The following TBL1X variants were observed in gnomAD, a reference collection of about 807,000 sequenced individuals.
TBL1X encodes the protein F-box-like/WD repeat-containing protein TBL1X.
In TBL1X, 10 loss-of-function variants were observed where a neutral mutation model predicts 50.7. That is an observed-to-expected ratio of 0.20 (90% confidence interval 0.12 to 0.33). TBL1X has a LOEUF of 0.33. Ranked by LOEUF, TBL1X falls within the 10% of genes least tolerant of loss-of-function variation. The pLI, the probability that TBL1X is intolerant of heterozygous loss-of-function variation, is 1.00. For synonymous variants in TBL1X, 190 were observed against 214.7 expected (o/e 0.88, Z 1.01); for missense variants, 340 against 504.4 (o/e 0.67, Z 3.12).
rs765757640 is a variant in TBL1X, at chrX:9,690,899, CTTG to C, written c.617-659_617-657del. Among the ~76,000 whole-genome samples the C allele has an allele frequency of 2.3e-3, 250 of 110,291 alleles. 2 individuals carry two copies. The highest frequency in any genetic ancestry group is 7.6e-3 in the African/African-American group (230 of 30,246). On this transcript the variant is annotated intron_variant, in intron 7 of 17. Coordinates refer to ENST00000645353, the MANE Select transcript of TBL1X (RefSeq NM_005647.4). ...GTGCACCACCAGGGCTGGCTAACTTCTTGTTGTTGTTGTTGTTGTTGTTTTTAT... is the reference window on the plus strand; with the variant it reads ...GTGCACCACCAGGGCTGGCTAACTTCTTGTTGTTGTTGTTGTTGTTTTTAT...
At chrX:9,546,370 T>A (rs2082242152) in intron 2 of TBL1X, among the ~76,000 whole-genome samples, 1 of 111,414 alleles carries the variant, frequency 9.0e-6, no homozygotes, top group Admixed American at 9.5e-5. Flanking sequence ...AAAAATTAGC[T>A]GGGCGTGGTG....
rs201211593 is a variant in TBL1X at position 9,691,728 on chromosome X, G to A, written c.749+17G>A. ...AGCCTCCGGGTAAGGATGTCAGGGT[G>A]GGGGGCGCTCCAGAGTTGGGGAGAT... is the stretch of plus-strand genomic sequence containing the variant. On this transcript the variant is annotated intron_variant, in intron 8 of 17. Coordinates refer to ENST00000645353, the MANE Select transcript of TBL1X (RefSeq NM_005647.4). The A allele has an allele frequency of 1.4e-4, 162 of 1,138,573 alleles. 3 individuals carry two copies. The highest frequency in any genetic ancestry group is 2.8e-4 in the Admixed American group (11 of 38,817). The allele number at this position is 1,138,573 out of a possible 1,213,427, so 93.8% of individuals were successfully genotyped here. A position where few individuals can be genotyped will look rare whatever the true frequency, so the allele number is the denominator to read the frequency against.
chrX:9,486,912 G>T (rs1394616187), intron 1 of TBL1X, among the ~76,000 whole-genome samples: 1 of 111,517 alleles, frequency 9.0e-6, no homozygotes, highest in African/African-American at 3.3e-5. Context: ...TACTCTTCCA[G>T]TTTGTCCCTG....
chrX:9,518,154 T>C (rs2082089950), intron 2 of TBL1X, among the ~76,000 whole-genome samples: 1 of 108,148 alleles, frequency 9.2e-6, no homozygotes, highest in Non-Finnish European at 1.9e-5. Context: ...TACATGGAAA[T>C]GATGTGACAT....
intron 3 of TBL1X, 144 bp from the exon 4 acceptor site, chrX:9,653,401 C>T (rs1200423836): frequency 3.5e-5 from 15 of 429,110 alleles, no homozygotes; most frequent in Non-Finnish European, 6.0e-5. Flanking sequence ...AGCCCCTGAA[C>T]GTTTTCCTGC....
At chrX:9,657,236 G>T (rs2082869884) in intron 5 of TBL1X, among the ~76,000 whole-genome samples, 1 of 112,240 alleles carries the variant, frequency 8.9e-6, no homozygotes, top group African/African-American at 3.2e-5. Flanking sequence ...AGTGCGGCAG[G>T]ACAGCTGCTT....
At chrX:9,613,604 C>T (rs1318886121) in intron 2 of TBL1X, among the ~76,000 whole-genome samples, 4 of 111,386 alleles carry the variant, frequency 3.6e-5, no homozygotes, top group Non-Finnish European at 7.5e-5. Context: ...GAAAAAGGAA[C>T]GTAAAAGATC....
chrX:9,509,393 A>G (rs2082043445), intron 2 of TBL1X, among the ~76,000 whole-genome samples: 1 of 103,447 alleles, frequency 9.7e-6, no homozygotes, highest in South Asian at 4.4e-4. Flanking sequence ...AAAGATTTCT[A>G]GTACATTGCC....
chrX:9,604,932 A>G (rs185418832), intron 2 of TBL1X, among the ~76,000 whole-genome samples: 1 of 110,715 alleles, frequency 9.0e-6, no homozygotes, highest in African/African-American at 3.3e-5. Context: ...CCTCTGGGAG[A>G]GGCTTGGGCG....
chrX:9,508,283 A>G (rs2082036250), intron 2 of TBL1X, among the ~76,000 whole-genome samples: 1 of 112,677 alleles, frequency 8.9e-6, no homozygotes. Context: ...GGCAAAGGAT[A>G]TGAACAGACA....
chrX:9,606,504 CTCTG>C (rs1314605321), intron 2 of TBL1X, among the ~76,000 whole-genome samples: 2 of 110,669 alleles, frequency 1.8e-5, no homozygotes, highest in East Asian at 2.9e-4. Flanking sequence ...CACAGTGAGA[CTCTG>C]TCTGTACAAA....
At chrX:9,648,080 T>C (rs777438093) in intron 3 of TBL1X, among the ~76,000 whole-genome samples, 1 of 111,035 alleles carries the variant, frequency 9.0e-6, no homozygotes, top group South Asian at 3.9e-4. Flanking sequence ...GTGGTGCAGC[T>C]GCCCCTAGAA....
At chrX:9,515,902 A>G (rs1244522770) in intron 2 of TBL1X, among the ~76,000 whole-genome samples, 1 of 111,126 alleles carries the variant, frequency 9.0e-6, no homozygotes, top group Non-Finnish European at 1.9e-5. Context: ...GGTTAATGGA[A>G]ATTCTTGAAA....
chrX:9,616,558 G>C (rs1037811460), intron 2 of TBL1X, among the ~76,000 whole-genome samples: 35 of 111,846 alleles, frequency 3.1e-4, no homozygotes, highest in African/African-American at 1.1e-3. Context: ...ACTCACGCAG[G>C]TTGAATGGAG....
intron 16 of TBL1X, among the ~76,000 whole-genome samples, chrX:9,713,729 A>C (rs2083262845): frequency 9.0e-6 from 1 of 110,767 alleles, no homozygotes; most frequent in Non-Finnish European, 1.9e-5. Context: ...CGCCCGGCCA[A>C]GAAATCCTTA....
intron 2 of TBL1X, among the ~76,000 whole-genome samples, chrX:9,576,243 C>T (rs902929821): frequency 2.7e-5 from 3 of 112,071 alleles, no homozygotes; most frequent in South Asian, 3.7e-4. Context: ...CACTTGAGTA[C>T]GCGCTGCACA....
intron 2 of TBL1X, among the ~76,000 whole-genome samples, chrX:9,537,672 GTGTATGGATGGAC>G (rs1484055084): frequency 1.8e-5 from 2 of 112,723 alleles, no homozygotes; most frequent in Non-Finnish European, 3.7e-5. Context: ...TAATATTCCA[GTGTATGGATGGAC>G]TACACTCTGT....
chrX:9,573,903 A>C (rs1302558138), intron 2 of TBL1X, among the ~76,000 whole-genome samples: 2 of 112,675 alleles, frequency 1.8e-5, no homozygotes, highest in Non-Finnish European at 3.8e-5. Context: ...GGATAGCCCC[A>C]GCTCCTGGGT....
intron 5 of TBL1X, among the ~76,000 whole-genome samples, chrX:9,682,475 C>T (rs1472116667): frequency 8.9e-6 from 1 of 112,088 alleles, no homozygotes; most frequent in Non-Finnish European, 1.9e-5. Flanking sequence ...TTGATATGTT[C>T]TTTACAACCT....
Sources: gnomAD v4.1 joint callset for allele counts (sites outside exome capture counted in the v4.1 genomes callset) on GRCh38, gnomAD v4.1.1 for gene constraint, MANE v1.5 for transcripts, NCBI Gene and HGNC (gene_info 2026-07-23, HGNC 2026-07-21) for gene names.